SLA: variants seen among roughly 807,000 people sequenced by gnomAD.
SLA encodes the protein Src like adaptor, also known as src-like-adapter.
In SLA, 16 loss-of-function variants were observed where a neutral mutation model predicts 30.3. The observed-to-expected ratio is 0.53, with a 90% CI of 0.36 to 0.80. The LOEUF is 0.80. Among genes scored for constraint, SLA ranks in the 30% least tolerant of loss-of-function variants. The pLI is 0.01. For missense variants in SLA, 310 were observed against 345.2 expected, an observed-to-expected ratio of 0.90 and a Z score of 0.81; for synonymous variants, 143 against 137.8, an observed-to-expected ratio of 1.04 and a Z score of -0.26.
intron 7 of SLA, among the ~76,000 whole-genome samples, chr8:133,043,269 C>T (rs1347656355): frequency 6.6e-6 from 1 of 152,026 alleles, no homozygotes; most frequent in African/African-American, 2.4e-5. Flanking sequence ...GCCTCATGGT[C>T]CCTAGAAGCT....
At chr8:133,066,150 C>A (rs151121981) in intron 2 of SLA, among the ~76,000 whole-genome samples, 2 of 151,904 alleles carry the variant, frequency 1.3e-5, no homozygotes, top group East Asian at 3.9e-4. Flanking sequence ...GGTGAAACCC[C>A]GTCTCTACTA....
chr8:133,046,606 A>T (rs912202833), intron 6 of SLA: 1 of 152,206 alleles, frequency 6.6e-6, no homozygotes, highest in African/African-American at 2.4e-5. Flanking sequence ...GCCTGATGAC[A>T]TCGTTATTTT....
At chr8:133,057,775 A>AAAC (rs770301889) in intron 3 of SLA, among the ~76,000 whole-genome samples, 6 of 35,474 alleles carry the variant, frequency 1.7e-4, no homozygotes, top group Admixed American at 4.8e-4. Context: ...AACAAAAAAC[A>AAAC]AAAAAAAAAA....
intron 2 of SLA, among the ~76,000 whole-genome samples, chr8:133,067,775 C>T (rs13263197): frequency 0.048 from 7,011 of 144,884 alleles, 263 homozygotes; most frequent in Non-Finnish European, 0.072. Flanking sequence ...AAGACTCCAT[C>T]TAGAAAGAAA....
chr8:133,091,878 T>C (rs114351710), intron 1 of SLA, among the ~76,000 whole-genome samples: 142 of 152,196 alleles, frequency 9.3e-4, no homozygotes, highest in African/African-American at 3.2e-3. Context: ...TATCTCTGTG[T>C]GAGTGTGTCT....
chr8:133,069,908 G>A (rs1264028063), intron 2 of SLA, among the ~76,000 whole-genome samples: 3 of 149,012 alleles, frequency 2.0e-5, no homozygotes, highest in African/African-American at 5.0e-5. Context: ...GGCTGAGGCA[G>A]GAGAAATGCT....
intron 6 of SLA, chr8:133,047,607 C>T: frequency 1.8e-6 from 1 of 567,050 alleles, no homozygotes. Context: ...TGATGTTGGC[C>T]AGGCCCGTGG....
chr8:133,071,401 A>G (rs1367050696), intron 2 of SLA, among the ~76,000 whole-genome samples: 1 of 152,138 alleles, frequency 6.6e-6, no homozygotes, highest in East Asian at 1.9e-4. Flanking sequence ...CTTAGGCCTG[A>G]GGAAAGGGAT....
intron 1 of SLA, among the ~76,000 whole-genome samples, chr8:133,084,894 G>A (rs889172313): frequency 6.6e-6 from 1 of 152,250 alleles, no homozygotes; most frequent in Non-Finnish European, 1.5e-5. Context: ...TTGGCACATA[G>A]AGGGTGGGTA....
chr8:133,059,180 T>A, intron 3 of SLA: 1 of 455,838 alleles, frequency 2.2e-6, no homozygotes, highest in Non-Finnish European at 4.4e-6. Context: ...CTGGGAACCA[T>A]GTGTGGTCAC....
chr8:133,077,561 C>A (rs887013607), intron 1 of SLA, among the ~76,000 whole-genome samples: 3 of 152,146 alleles, frequency 2.0e-5, no homozygotes, highest in Non-Finnish European at 4.4e-5. Flanking sequence ...TGTGCCAGAG[C>A]AGGGGGATGG....
At chr8:133,049,658 C>A (rs1840054120) in intron 5 of SLA, 4 of 501,162 alleles carry the variant, frequency 8.0e-6, no homozygotes, top group East Asian at 3.6e-5. Context: ...CCAGGAGCAC[C>A]ATGTTAGAGC....
At chr8:133,040,323 GT>G in intron 7 of SLA, 193 bp from the exon 8 acceptor site, 1 of 619,544 alleles carries the variant, frequency 1.6e-6, no homozygotes, top group Non-Finnish European at 2.8e-6. Flanking sequence ...AAATGTAAGC[GT>G]GCCCTGGTAT....
At chr8:133,064,478 AG>A (rs749495642) in intron 2 of SLA, among the ~76,000 whole-genome samples, 2 of 152,210 alleles carry the variant, frequency 1.3e-5, no homozygotes, top group Non-Finnish European at 2.9e-5. Flanking sequence ...GTGTGAGATC[AG>A]GGGTTAGTCA....
intron 8 of SLA, 66 bp downstream of exon 8, chr8:133,039,932 A>G: frequency 6.6e-7 from 1 of 1,520,970 alleles, no homozygotes; most frequent in South Asian, 1.2e-5. Context: ...TTGTGCTCAC[A>G]TGTTCACAGA....
intron 1 of SLA, among the ~76,000 whole-genome samples, chr8:133,090,961 G>T (rs911150188): frequency 1.3e-5 from 2 of 152,110 alleles, no homozygotes; most frequent in African/African-American, 4.8e-5. Context: ...TGCAGCCTAG[G>T]CTCAAATCCT....
rs531867064 is a variant in SLA, at chr8:133,093,044, C to T, written c.-319+9509G>A. 2.6e-5 allele frequency among the ~76,000 whole-genome samples: 4 copies of T among 152,192 alleles called. No homozygotes were observed. In the East Asian group the frequency reaches 5.8e-4, roughly 22 times the overall value. ...GACATTCACATCTCCTCTCTGCCTGCCTGTGGGCCCTTCTGCTGTTTGCTA... is the reference window on the plus strand; with the variant it reads ...GACATTCACATCTCCTCTCTGCCTGTCTGTGGGCCCTTCTGCTGTTTGCTA... On this transcript the variant is annotated intron_variant, in intron 1 of 8. Transcript: ENST00000338087.
chr8:133,072,146 A>G (rs1265003905), intron 2 of SLA, among the ~76,000 whole-genome samples: 1 of 152,138 alleles, frequency 6.6e-6, no homozygotes, highest in African/African-American at 2.4e-5. Flanking sequence ...ATACACACCA[A>G]GTCCTCCAGC....
rs549890504 is a variant in SLA, at chr8:133,096,424, C to T, written c.-319+6129G>A. ...TCTCCAGCTGGGCATTTCCTAAGGG[C>T]TCTGGACCTCAATGTCTGACTTGAT... On this transcript the variant is annotated intron_variant, in intron 1 of 8. Transcript: ENST00000338087. The T allele has an allele frequency of 1.1e-5, 17 of 1,603,210 alleles. No individual in the cohort carries two copies. The South Asian group carries it at 1.4e-4, about 14-fold the overall frequency.
Sources: allele counts gnomAD v4.1 joint callset (sites outside exome capture counted in the v4.1 genomes callset), GRCh38; gene constraint gnomAD v4.1.1; transcripts MANE v1.5; gene names NCBI Gene and HGNC (gene_info 2026-07-23, HGNC 2026-07-21).